Variants in NTM observed in about 807,000 individuals in gnomAD.
NTM encodes IgLON family member 2.
In NTM, 13 loss-of-function variants were observed where a neutral mutation model predicts 42.1. That is an observed-to-expected ratio of 0.31 (90% CI 0.20 to 0.49). The LOEUF is 0.49. NTM is among the 20% of genes least tolerant of loss of function. The pLI is 0.99. For missense variants in NTM, 373 were observed against 452.8 expected (o/e 0.82, Z 1.60); for synonymous variants, 187 against 179.2 (o/e 1.04, Z -0.35).
chr11:132,298,953 AATCT>A (rs2094729740), intron 4 of NTM, among the ~76,000 whole-genome samples: 1 of 152,146 alleles, frequency 6.6e-6, no homozygotes. Flanking sequence ...ATTTTTATTG[AATCT>A]ATATTTATTG....
At chr11:131,549,370 A>G (rs1377430543) in intron 1 of NTM, among the ~76,000 whole-genome samples, 1 of 152,146 alleles carries the variant, frequency 6.6e-6, no homozygotes, top group Admixed American at 6.5e-5. Context: ...CCCAGGCACA[A>G]AATTTTTTTT....
intron 2 of NTM, among the ~76,000 whole-genome samples, chr11:132,057,009 G>T (rs2079795916): frequency 6.6e-6 from 1 of 152,192 alleles, no homozygotes; most frequent in Non-Finnish European, 1.5e-5. Context: ...ATACTTCACT[G>T]CATTCTTCCC....
At chr11:131,412,757 A>G (rs935786642) in intron 1 of NTM, among the ~76,000 whole-genome samples, 1 of 152,142 alleles carries the variant, frequency 6.6e-6, no homozygotes, top group Non-Finnish European at 1.5e-5. Flanking sequence ...AAAAAATAAT[A>G]TGTACTCTAA....
At position 132,335,116 on chromosome 11, in the gene NTM, T is replaced by G; in HGVS notation, c.1038T>G (p.Leu346=). ...RRAGCVWLLP[L]LVLHLLLKF ...CAGGCTGCGTCTGGCTGCTGCCTCT[T>G]CTGGTCTTGCACCTGCTTCTCAAAT... The change falls in exon 9 of 9, where the codon CTT becomes CTG. Residue 346 remains leucine (L), a synonymous_variant. Transcript: ENST00000683400. The G allele has an allele frequency of 6.2e-7, 1 of 1,612,750 alleles. No homozygotes were observed. The highest frequency in any genetic ancestry group is 1.1e-5 in the South Asian group (1 of 91,070).
At chr11:131,713,700 T>C (rs2077397905) in intron 1 of NTM, among the ~76,000 whole-genome samples, 2 of 152,176 alleles carry the variant, frequency 1.3e-5, no homozygotes, top group Admixed American at 1.3e-4. Flanking sequence ...CAGTATGCTG[T>C]GTTGTTAGCG....
chr11:131,741,193 G>GAGAGAGAGAGAGAGAGAGAT (rs2081156794), intron 1 of NTM, among the ~76,000 whole-genome samples: 1 of 126,268 alleles, frequency 7.9e-6, no homozygotes, highest in African/African-American at 2.8e-5. Context: ...GAGAGAGAGA[G>GAGAGAGAGAGAGAGAGAGAT]AGAGAGAGAG....
chr11:131,475,753 G>A (rs1358862894), intron 1 of NTM, among the ~76,000 whole-genome samples: 1 of 152,124 alleles, frequency 6.6e-6, no homozygotes, highest in Non-Finnish European at 1.5e-5. Flanking sequence ...GATTTTATGA[G>A]ATGAGCCAAA....
At chr11:132,284,122 G>T (rs1452416797) in intron 4 of NTM, among the ~76,000 whole-genome samples, 1 of 152,196 alleles carries the variant, frequency 6.6e-6, no homozygotes, top group African/African-American at 2.4e-5. Context: ...AATGAAATGA[G>T]GTATGGGAAA....
chr11:131,849,896 C>T (rs1051129818), intron 1 of NTM, among the ~76,000 whole-genome samples: 5 of 151,238 alleles, frequency 3.3e-5, no homozygotes, highest in Admixed American at 3.3e-4. Flanking sequence ...GGGTGCAGCA[C>T]ACCAACATGG....
intron 6 of NTM, among the ~76,000 whole-genome samples, chr11:132,312,150 C>T (rs191052316): frequency 7.2e-5 from 11 of 152,280 alleles, no homozygotes; most frequent in African/African-American, 2.6e-4. Context: ...CCTCTGAGGT[C>T]CTGGTCACAG....
intron 1 of NTM, among the ~76,000 whole-genome samples, chr11:131,764,897 G>A (rs1193214942): frequency 6.6e-6 from 1 of 152,118 alleles, no homozygotes. Flanking sequence ...ATCACTATGT[G>A]CTGGACAAGT....
intron 1 of NTM, among the ~76,000 whole-genome samples, chr11:131,731,927 C>T (rs999225098): frequency 2.6e-5 from 4 of 152,162 alleles, no homozygotes; most frequent in Non-Finnish European, 5.9e-5. Context: ...TCTATCTGTA[C>T]ACGCTATTGT....
intron 2 of NTM, among the ~76,000 whole-genome samples, chr11:132,118,614 C>T (rs1365498881): frequency 6.6e-6 from 1 of 152,174 alleles, no homozygotes; most frequent in Non-Finnish European, 1.5e-5. Flanking sequence ...CATGAGAGAA[C>T]TTCTGTCCTC....
chr11:131,985,000 T>C (rs1012535134), intron 2 of NTM, among the ~76,000 whole-genome samples: 23 of 152,136 alleles, frequency 1.5e-4, no homozygotes, highest in African/African-American at 5.3e-4. Context: ...TTTTTTTTAA[T>C]CTTCTTCCTG....
intron 1 of NTM, among the ~76,000 whole-genome samples, chr11:131,496,646 C>A (rs948238037): frequency 1.3e-5 from 2 of 152,196 alleles, no homozygotes; most frequent in African/African-American, 2.4e-5. Context: ...CATTCTGACC[C>A]AGCATCTTCA....
At chr11:131,547,455 G>A (rs1422574508) in intron 1 of NTM, among the ~76,000 whole-genome samples, 3 of 152,210 alleles carry the variant, frequency 2.0e-5, no homozygotes, top group Admixed American at 1.3e-4. Context: ...GGTGGGCAGA[G>A]CCTTCGGTGG....
At chr11:132,204,990 A>T (rs546643601) in intron 3 of NTM, among the ~76,000 whole-genome samples, 30 of 152,308 alleles carry the variant, frequency 2.0e-4, no homozygotes, top group African/African-American at 7.0e-4. Flanking sequence ...CATAGGCCTT[A>T]GTGTCTCTGC....
intron 1 of NTM, among the ~76,000 whole-genome samples, chr11:131,846,558 C>T (rs936163004): frequency 2.6e-5 from 4 of 152,100 alleles, no homozygotes; most frequent in Non-Finnish European, 4.4e-5. Flanking sequence ...ATTAATATCT[C>T]TTTCCAAATA....
chr11:131,525,960 C>A (rs888722507), intron 1 of NTM, among the ~76,000 whole-genome samples: 5 of 152,172 alleles, frequency 3.3e-5, no homozygotes, highest in African/African-American at 9.7e-5. Context: ...TGTCTCATGG[C>A]TCCATTCAGA....
Sources: gnomAD v4.1 joint callset for allele counts (sites outside exome capture counted in the v4.1 genomes callset) on GRCh38, gnomAD v4.1.1 for gene constraint, MANE v1.5 for transcripts, NCBI Gene and HGNC (gene_info 2026-07-23, HGNC 2026-07-21) for gene names.